The following PDLIM5 variants were observed in gnomAD, a reference collection of about 807,000 sequenced individuals.
PDLIM5 encodes the protein PDZ and LIM domain 5, also known as PDZ and LIM domain protein 5.
A neutral mutation model predicts 64.2 loss-of-function variants in PDLIM5; 34 were observed. The observed-to-expected ratio is 0.53, with a 90% CI of 0.40 to 0.71. The LOEUF is 0.71. Ranked by LOEUF, PDLIM5 falls within the 30% of genes least tolerant of loss-of-function variation. The pLI is 0.00. For missense variants in PDLIM5, 683 were observed against 733.6 expected (o/e 0.93, Z 0.80); for synonymous variants, 253 against 269.1 (o/e 0.94, Z 0.59).
At chr4:94,491,589 A>G (rs1726878004) in intron 2 of PDLIM5, among the ~76,000 whole-genome samples, 2 of 152,096 alleles carry the variant, frequency 1.3e-5, no homozygotes, top group Non-Finnish European at 2.9e-5. Context: ...ACTGAGAAGC[A>G]TCAGCTGTGT....
intron 9 of PDLIM5, among the ~76,000 whole-genome samples, chr4:94,643,857 T>C (rs1741196030): frequency 6.6e-6 from 1 of 152,230 alleles, no homozygotes; most frequent in African/African-American, 2.4e-5. Context: ...ATGCATAATT[T>C]GTTGCCTGTT....
chr4:94,515,511 T>C lies in PDLIM5; in HGVS notation c.97-8213T>C, dbSNP rs114422274. Among the ~76,000 whole-genome samples, 1,514 of 152,308 alleles carry C rather than the reference T, an allele frequency of 9.9e-3. 15 individuals carry two copies. Among genetic ancestry groups the C allele is most frequent in the South Asian group, 0.036 (172 of 4,828 alleles). On this transcript the variant is annotated intron_variant, in intron 2 of 12. Coordinates refer to ENST00000317968, the MANE Select transcript of PDLIM5 (RefSeq NM_006457.5). ...TGGGTTTTGAAAGGCCTGTGATTTT[T>C]CCTCCTGTCGTAGAAGTATGCTGGC...
chr4:94,472,894 T>C (rs1317251007), intron 2 of PDLIM5, among the ~76,000 whole-genome samples: 1 of 152,202 alleles, frequency 6.6e-6, no homozygotes, highest in East Asian at 1.9e-4. Context: ...GACATTGTCC[T>C]AGGAACTAAA....
chr4:94,560,928 C>A (rs879490828), intron 3 of PDLIM5, among the ~76,000 whole-genome samples: 1 of 152,042 alleles, frequency 6.6e-6, no homozygotes, highest in Non-Finnish European at 1.5e-5. Context: ...GGGTTTACAT[C>A]GTGTTAGCCA....
At chr4:94,463,692 GACCCGTGCAGTTCAA>G (rs1209105964) in intron 2 of PDLIM5, among the ~76,000 whole-genome samples, 2 of 152,186 alleles carry the variant, frequency 1.3e-5, no homozygotes, top group Non-Finnish European at 2.9e-5. Context: ...TCTGTAAGTA[GACCCGTGCAGTTCAA>G]ACCTGTGTTG....
At position 94,455,328 on chromosome 4, in the gene PDLIM5, T is replaced by C. The variant is rs1723235556; in HGVS notation, c.40T>C (p.Trp14Arg). ...TGTGTCACTGGTTGGCCCAGCTCCT[T>C]GGGGTTTCCGGCTGCAGGGCGGTAA... ...YSVSLVGPAP[W>R]GFRLQGGKDF... Residue 14 changes from tryptophan (W) to arginine (R), a missense_variant, in exon 2 of 13, where the codon TGG becomes CGG. By Grantham distance (101) the Trp-to-Arg change is moderately radical. Coordinates refer to ENST00000317968, the MANE Select transcript of PDLIM5 (RefSeq NM_006457.5). 2 of 1,613,740 alleles carry C rather than the reference T, an allele frequency of 1.2e-6. No homozygotes were observed. The highest frequency in any genetic ancestry group is 2.7e-5 in the African/African-American group (2 of 75,038).
intron 2 of PDLIM5, among the ~76,000 whole-genome samples, chr4:94,488,515 A>C (rs985281913): frequency 5.9e-5 from 9 of 152,234 alleles, no homozygotes; most frequent in African/African-American, 2.2e-4. Context: ...GAATAGATTA[A>C]AAACAATGAG....
intron 2 of PDLIM5, among the ~76,000 whole-genome samples, chr4:94,514,942 T>C (rs926592702): frequency 1.7e-4 from 26 of 152,220 alleles, no homozygotes; most frequent in African/African-American, 6.3e-4. Context: ...AGAAAGAATT[T>C]CTAAAGAAAA....
At chr4:94,645,701 A>C (rs557905281) in intron 9 of PDLIM5, among the ~76,000 whole-genome samples, 1 of 152,232 alleles carries the variant, frequency 6.6e-6, no homozygotes, top group Non-Finnish European at 1.5e-5. Context: ...ATTAAGAGTT[A>C]TAATGTCCAG....
At chr4:94,567,184 G>A (rs914834981) in intron 3 of PDLIM5, among the ~76,000 whole-genome samples, 9 of 152,040 alleles carry the variant, frequency 5.9e-5, no homozygotes, top group East Asian at 1.9e-4. Context: ...TAGTAGAGAC[G>A]GGGTTTCACC....
chr4:94,577,206 A>G (rs1006655055), intron 5 of PDLIM5: 5 of 457,160 alleles, frequency 1.1e-5, no homozygotes, highest in Non-Finnish European at 1.8e-5. Flanking sequence ...GTTTTTACCA[A>G]TGCCAGTTCC....
intron 2 of PDLIM5, among the ~76,000 whole-genome samples, chr4:94,507,050 T>C (rs964460460): frequency 6.6e-6 from 1 of 152,184 alleles, no homozygotes; most frequent in Admixed American, 6.5e-5. Context: ...GCTGGGGCTC[T>C]TGGGCTTTTG....
chr4:94,580,389 T>G (rs1240689619), intron 5 of PDLIM5, among the ~76,000 whole-genome samples: 1 of 152,172 alleles, frequency 6.6e-6, no homozygotes, highest in African/African-American at 2.4e-5. Flanking sequence ...GATGTAGTTG[T>G]GGTCTCCCTA....
intron 9 of PDLIM5, among the ~76,000 whole-genome samples, chr4:94,647,537 A>G (rs1316947857): frequency 2.0e-5 from 3 of 152,174 alleles, no homozygotes; most frequent in Non-Finnish European, 1.5e-5. Flanking sequence ...TATACAATTC[A>G]ATAATAATAG....
intron 12 of PDLIM5, 137 bp from the exon 13 acceptor site, chr4:94,663,841 T>A (rs1742925844): frequency 2.9e-6 from 2 of 695,696 alleles, no homozygotes; most frequent in Non-Finnish European, 2.2e-6. Flanking sequence ...TATTAGGGAG[T>A]CTAACTTAAC....
At chr4:94,465,055 C>G (rs943608245) in intron 2 of PDLIM5, among the ~76,000 whole-genome samples, 2 of 152,032 alleles carry the variant, frequency 1.3e-5, no homozygotes, top group Non-Finnish European at 1.5e-5. Context: ...ATAAATGGGC[C>G]CGTTTAATAT....
chr4:94,464,373 T>A (rs1724161386), intron 2 of PDLIM5, among the ~76,000 whole-genome samples: 1 of 152,202 alleles, frequency 6.6e-6, no homozygotes. Context: ...TGTGATTCAG[T>A]TCCATTGAGA....
intron 9 of PDLIM5, among the ~76,000 whole-genome samples, chr4:94,652,945 TC>T (rs1272310943): frequency 2.5e-4 from 38 of 152,274 alleles, no homozygotes; most frequent in Middle Eastern, 3.4e-3. Flanking sequence ...TGAGTAAACA[TC>T]AATATGGTGA....
chr4:94,506,821 A>G (rs1052107726), intron 2 of PDLIM5, among the ~76,000 whole-genome samples: 1 of 152,168 alleles, frequency 6.6e-6, no homozygotes, highest in Non-Finnish European at 1.5e-5. Context: ...TGGACTTGGA[A>G]GAGGAAGACC....
Sources: allele counts gnomAD v4.1 joint callset (sites outside exome capture counted in the v4.1 genomes callset), GRCh38; gene constraint gnomAD v4.1.1; transcripts MANE v1.5; gene names NCBI Gene and HGNC (gene_info 2026-07-23, HGNC 2026-07-21).